EHHADH: variants seen among roughly 807,000 people sequenced by gnomAD.
EHHADH encodes peroxisomal bifunctional enzyme.
Under a neutral mutation model 64.4 loss-of-function variants are expected in EHHADH, and 48 were observed. The ratio of observed to expected loss-of-function variants is 0.75; its 90% confidence interval spans 0.59 to 0.95. The LOEUF (loss-of-function observed/expected upper bound fraction) is 0.95. EHHADH is among the 40% of genes least tolerant of loss of function. EHHADH has a pLI of 0.00. For missense variants in EHHADH, 854 were observed against 876.6 expected, an observed-to-expected ratio of 0.97 and a Z score of 0.33; for synonymous variants, 308 against 326.7, an observed-to-expected ratio of 0.94 and a Z score of 0.62.
chr3:185,204,563 G>C lies in EHHADH; in HGVS notation c.763C>G (p.Leu255Val), dbSNP rs114864468. ...YEVGIKKEEE[L>V]FLYLLQSGQA... ...CCTGATTGCAAAAGATATAGAAACA[G>C]CTCCTCCTCCTTCTTGATGCCCACT... The change falls in exon 6 of 7, where the codon CTG becomes GTG. Residue 255 changes from leucine (L) to valine (V), a missense_variant. Transcript: ENST00000231887. 8.7e-4 allele frequency: 1,397 copies of C among 1,614,204 alleles called. 14 individuals carry two copies. In the African/African-American group the frequency reaches 0.016, roughly 19 times the overall value.
intron 1 of EHHADH, among the ~76,000 whole-genome samples, chr3:185,252,528 A>G (rs1434643021): frequency 1.3e-5 from 2 of 152,100 alleles, no homozygotes; most frequent in Non-Finnish European, 2.9e-5. Context: ...TCTAATCAGT[A>G]TATAGACCAG....
chr3:185,211,942 C>A (rs1718550614), intron 5 of EHHADH, among the ~76,000 whole-genome samples: 1 of 152,164 alleles, frequency 6.6e-6, no homozygotes, highest in African/African-American at 2.4e-5. Context: ...CCCAGCACAG[C>A]CACAGGAACA....
chr3:185,253,905 A>G, intron 1 of EHHADH, 44 bp downstream of exon 1: 1 of 1,608,984 alleles, frequency 6.2e-7, no homozygotes, highest in Non-Finnish European at 8.5e-7. Context: ...GAGGGCGGCT[A>G]AGGCCCGCAC....
chr3:185,245,154 ATC>A lies in EHHADH; in HGVS notation c.178+3258_178+3259del, dbSNP rs1386933992. On this transcript the variant is annotated intron_variant, in intron 2 of 6. Coordinates refer to ENST00000231887, the MANE Select transcript of EHHADH (RefSeq NM_001966.4). Reference sequence around the variant, plus strand: ...TTTACATGTTCATAATATTTTCATTATCTTTCTTTTTTCACTGTTACAATAAC... The same window carrying A: ...TTTACATGTTCATAATATTTTCATTATTTCTTTTTTCACTGTTACAATAAC... Among the ~76,000 whole-genome samples the A allele has an allele frequency of 4.6e-5, 7 of 152,244 alleles. No individual in the cohort carries two copies. In the East Asian group the frequency reaches 1.3e-3, roughly 29 times the overall value.
rs1387896242 is a variant in EHHADH at position 185,251,606 on chromosome 3, ATATG to A, written c.74+2339_74+2342del. Among the ~76,000 whole-genome samples the A allele has an allele frequency of 4.3e-3, 307 of 71,876 alleles. 4 individuals carry two copies. The highest frequency in any genetic ancestry group is 0.015 in the African/African-American group (267 of 17,452). 47.2% of individuals were successfully genotyped at this position (71,876 alleles called of 152,430 possible). A position where few individuals can be genotyped will look rare whatever the true frequency, so the allele number is the denominator to read the frequency against. On this transcript the variant is annotated intron_variant, in intron 1 of 6. Transcript: ENST00000231887. ...ACTATTTGTTTTGGGGAAAAAATTT[ATATG>A]TGTGTGTGTGTGTGTGTGTGTGTGT... is the stretch of plus-strand genomic sequence containing the variant.
intron 5 of EHHADH, among the ~76,000 whole-genome samples, chr3:185,206,666 A>G (rs1718400678): frequency 6.6e-6 from 1 of 151,740 alleles, no homozygotes. Flanking sequence ...CATCTCTACT[A>G]AAATACAAAA....
At chr3:185,206,913 C>G (rs1052828313) in intron 5 of EHHADH, among the ~76,000 whole-genome samples, 3 of 151,554 alleles carry the variant, frequency 2.0e-5, no homozygotes, top group Non-Finnish European at 2.9e-5. Context: ...ACACCCCCCC[C>G]ACCAAATGTT....
intron 2 of EHHADH, among the ~76,000 whole-genome samples, chr3:185,238,894 C>T (rs1719374679): frequency 6.6e-6 from 1 of 152,042 alleles, no homozygotes; most frequent in African/African-American, 2.4e-5. Context: ...CCTAAATATT[C>T]ATCCAGGAAT....
chr3:185,246,893 T>G (rs1173131546), intron 2 of EHHADH, among the ~76,000 whole-genome samples: 1 of 152,174 alleles, frequency 6.6e-6, no homozygotes, highest in African/African-American at 2.4e-5. Context: ...AATTTTCTGA[T>G]AAGTTTTACT....
Position 185,195,634 on chromosome 3 carries a change from G to A in EHHADH, c.911-2147C>T, listed in dbSNP as rs535939541. 5.1e-4 allele frequency among the ~76,000 whole-genome samples: 77 copies of A among 152,276 alleles called. 2 individuals are homozygous for A. The highest frequency in any genetic ancestry group is 1.7e-3 in the African/African-American group (71 of 41,550). ...AAAATCACACACTTGCAACAACATA[G>A]ATGCAGCTGGAGGCCATTATCCTAA... On this transcript the variant is annotated intron_variant, in intron 6 of 6. Transcript: ENST00000231887.
chr3:185,216,421 T>C lies in EHHADH; in HGVS notation c.568+1715A>G, dbSNP rs1479010173. ...AAAGAATCATTTCGGGACCTCCAAATGCAAATAGCCTTTGCTGTGTGTCTG... is the reference window on the plus strand; with the variant it reads ...AAAGAATCATTTCGGGACCTCCAAACGCAAATAGCCTTTGCTGTGTGTCTG... On this transcript the variant is annotated intron_variant, in intron 5 of 6. Transcript: ENST00000231887. This position sits in a 1 kb window ranked among gnomAD's most constrained non-coding sequence, Gnocchi z 5.3. Among the ~76,000 whole-genome samples the C allele has an allele frequency of 6.6e-6, 1 of 152,208 alleles. No individual in the cohort carries two copies. The highest frequency in any genetic ancestry group is 1.5e-5 in the Non-Finnish European group (1 of 68,026).
intron 2 of EHHADH, among the ~76,000 whole-genome samples, chr3:185,239,331 T>C (rs1226866537): frequency 6.6e-6 from 1 of 152,190 alleles, no homozygotes; most frequent in East Asian, 1.9e-4. Context: ...ATGACATTGG[T>C]AATTTGATAG....
At chr3:185,226,732 A>T (rs1256422223) in intron 4 of EHHADH, 1 of 152,112 alleles carries the variant, frequency 6.6e-6, no homozygotes, top group African/African-American at 2.4e-5. Flanking sequence ...CTTGACTCCG[A>T]TCTCATGACA....
intron 5 of EHHADH, among the ~76,000 whole-genome samples, chr3:185,212,859 C>A (rs1718580303): frequency 6.6e-6 from 1 of 151,942 alleles, no homozygotes; most frequent in Non-Finnish European, 1.5e-5. Flanking sequence ...GTAGCTCACG[C>A]CTGTAATCCC....
In EHHADH at chr3:185,228,066, G is replaced by C. The variant is rs547036110; in HGVS notation, c.463+1366C>G. Among the ~76,000 whole-genome samples the C allele has an allele frequency of 1.2e-3, 185 of 149,196 alleles. 2 individuals are homozygous for C. The highest frequency in any genetic ancestry group is 4.3e-3 in the African/African-American group (175 of 40,956). ...CTGTTTGAAGTGTATTGTTGCATAT[G>C]TTCTTTCTTCTAAATTGACCTCAAC... On this transcript the variant is annotated intron_variant, in intron 4 of 6. Coordinates refer to ENST00000231887, the MANE Select transcript of EHHADH (RefSeq NM_001966.4).
chr3:185,208,430 G>A (rs1170972166), intron 5 of EHHADH, among the ~76,000 whole-genome samples: 1 of 152,104 alleles, frequency 6.6e-6, no homozygotes, highest in Non-Finnish European at 1.5e-5. Flanking sequence ...CAGAAATTGT[G>A]GAATAAATGT....
chr3:185,248,423 A>G lies in EHHADH; in HGVS notation c.169T>C (p.Phe57Leu), dbSNP rs749668135. The G allele has an allele frequency of 9.3e-6, 15 of 1,613,282 alleles. No individual in the cohort carries two copies. The highest frequency in any genetic ancestry group is 1.3e-5 in the Non-Finnish European group (15 of 1,179,226). ...AIVICGAEGK[F>L]SAGADIRGFS... ...GTTAGACTTGAGTTACCTGCAGAAAATTTGCCCTCTGCTCCACAAATCACA... is the reference window on the plus strand; with the variant it reads ...GTTAGACTTGAGTTACCTGCAGAAAGTTTGCCCTCTGCTCCACAAATCACA... Residue 57 changes from phenylalanine (F) to leucine (L), a missense_variant, in exon 2 of 7, where the codon TTT becomes CTT. Coordinates refer to ENST00000231887, the MANE Select transcript of EHHADH (RefSeq NM_001966.4).
chr3:185,231,856 A>G (rs56186078), intron 3 of EHHADH, among the ~76,000 whole-genome samples: 16,206 of 152,234 alleles, frequency 0.11, 1,176 homozygotes, highest in East Asian at 0.22. Context: ...AAAATGTTCT[A>G]AAATTTACTG....
intron 6 of EHHADH, among the ~76,000 whole-genome samples, chr3:185,197,684 C>T (rs1718102236): frequency 6.6e-6 from 1 of 152,162 alleles, no homozygotes; most frequent in Admixed American, 6.5e-5. Context: ...ATTTTATTTA[C>T]CCATTCATCC....
Sources: gnomAD v4.1 joint callset for allele counts (sites outside exome capture counted in the v4.1 genomes callset) on GRCh38, gnomAD v4.1.1 for gene constraint, Gnocchi (gnomAD v3.1) non-coding constraint, MANE v1.5 for transcripts, NCBI Gene and HGNC (gene_info 2026-07-23, HGNC 2026-07-21) for gene names.